Variants in MRO observed in about 807,000 individuals in gnomAD.
MRO encodes the protein protein maestro.
A neutral mutation model predicts 31.0 loss-of-function variants in MRO; 28 were observed. The ratio of observed to expected loss-of-function variants is 0.90; its 90% CI spans 0.67 to 1.24. The LOEUF is 1.24. MRO is among the 50% of genes most tolerant of loss of function. The pLI is 0.00. For synonymous variants in MRO, 108 were observed against 108.4 expected (o/e 1.00, Z 0.02); for missense variants, 332 against 289.2 (o/e 1.15, Z -1.07).
chr18:50,806,901 C>T (rs1759448912), intron 3 of MRO, 51 bp from the exon 4 acceptor site: 2 of 1,560,160 alleles, frequency 1.3e-6, no homozygotes, highest in Non-Finnish European at 1.8e-6. Context: ...AGAGTCATAC[C>T]AATCCCAACC....
intron 3 of MRO, 110 bp from the exon 4 acceptor site, chr18:50,806,960 C>G (rs1914007612): frequency 3.6e-6 from 4 of 1,101,392 alleles, no homozygotes; most frequent in Non-Finnish European, 5.3e-6. Flanking sequence ...CTCAATTTTA[C>G]CCCTTCTTTC....
chr18:50,816,490 T>C (rs1178724627), intron 2 of MRO, among the ~76,000 whole-genome samples: 1 of 152,238 alleles, frequency 6.6e-6, no homozygotes, highest in Non-Finnish European at 1.5e-5. Context: ...CAGAATAGTT[T>C]TGAGGGTGTT....
rs1251756608 is a variant in MRO at position 50,801,338 on chromosome 18, C to T, written c.585+11G>A. On this transcript the variant is annotated intron_variant, in intron 6 of 7. Transcript: ENST00000398439. Reference sequence around the variant, plus strand: ...GATGTCACTCTGTTGGTTGCAGAGTCAAGGTCTTACCTTGGCAACCTGGGG... The same window carrying T: ...GATGTCACTCTGTTGGTTGCAGAGTTAAGGTCTTACCTTGGCAACCTGGGG... 2 of 1,558,532 alleles carry T rather than the reference C, an allele frequency of 1.3e-6. No individual in the cohort carries two copies. Among genetic ancestry groups the T allele is most frequent in the Admixed American group, 1.9e-5 (1 of 52,496 alleles).
chr18:50,823,249 CT>C (rs1915373970), upstream of MRO, among the ~76,000 whole-genome samples: 1 of 71,758 alleles, frequency 1.4e-5, no homozygotes, highest in Non-Finnish European at 3.6e-5. Flanking sequence ...CATTTGCTTC[CT>C]CCCACTTCTC....
rs754910192 is a variant in MRO at position 50,800,120 on chromosome 18, G to A, written c.609C>T (p.Ala203=). ...VAKACKTTFQ[A]CSPYLKLKEE... ...CCTTTAGTTTCAGATATGGAGAACA[G>A]GCTTGAAATGTTGTTTTGCAAGCCT... The change falls in exon 7 of 8, where the codon GCC becomes GCT. Residue 203 remains alanine (A), a synonymous_variant. Coordinates refer to ENST00000398439, the MANE Select transcript of MRO (RefSeq NM_031939.6). 27 of 1,612,142 alleles carry A rather than the reference G, an allele frequency of 1.7e-5. No homozygotes were observed. The highest frequency in any genetic ancestry group is 2.2e-5 in the Non-Finnish European group (26 of 1,178,898).
At chr18:50,802,689 A>G (rs1913464051) in intron 5 of MRO, among the ~76,000 whole-genome samples, 1 of 151,974 alleles carries the variant, frequency 6.6e-6, no homozygotes, top group South Asian at 2.1e-4. Flanking sequence ...TGATGCATAC[A>G]GAAATTGTCT....
At chr18:50,804,690 A>C (rs1414412359) in intron 5 of MRO, among the ~76,000 whole-genome samples, 3 of 152,100 alleles carry the variant, frequency 2.0e-5, no homozygotes, top group African/African-American at 2.4e-5. Flanking sequence ...TGTCCTCCCA[A>C]CCCCTAGCAC....
At chr18:50,822,699 C>A (rs1478615552), upstream of MRO, among the ~76,000 whole-genome samples, 1 of 144,196 alleles carries the variant, frequency 6.9e-6, no homozygotes, top group African/African-American at 2.5e-5. Flanking sequence ...CCCCGCCCCC[C>A]GCCCCCCGCC....
chr18:50,795,609 C>T lies in MRO; in HGVS notation c.*3728G>A, dbSNP rs1322617341. On this transcript the variant is annotated 3_prime_UTR_variant, in exon 8 of 8. Coordinates refer to ENST00000398439, the MANE Select transcript of MRO (RefSeq NM_031939.6). ...TCAGCCTCCTCCTTTGTCATTTTCTCTCCTCTCTCTCCACCACTTCCCTCT... is the reference window on the plus strand; with the variant it reads ...TCAGCCTCCTCCTTTGTCATTTTCTTTCCTCTCTCTCCACCACTTCCCTCT... 1.3e-5 allele frequency: 2 copies of T among 152,262 alleles called. No homozygotes were observed. The highest frequency in any genetic ancestry group is 2.9e-5 in the Non-Finnish European group (2 of 68,106). The allele number at this position is 152,262 out of a possible 1,614,324, so 9.4% of individuals were successfully genotyped here.
intron 5 of MRO, among the ~76,000 whole-genome samples, chr18:50,803,404 G>A (rs1412827089): frequency 6.6e-6 from 1 of 152,068 alleles, no homozygotes; most frequent in Non-Finnish European, 1.5e-5. Context: ...CCACTCAGGA[G>A]GCTGAGGTGG....
chr18:50,806,805 C>T lies in MRO; in HGVS notation c.145G>A (p.Val49Met). 6.2e-7 allele frequency: 1 copy of T among 1,614,158 alleles called. No homozygotes were observed. The highest frequency in any genetic ancestry group is 8.5e-7 in the Non-Finnish European group (1 of 1,180,034). ...GCTCTTTCTGCCAAGATGAAAAACA[C>T]ATTCTTCAGAGGCTCCCGCTTCTGG... Reference protein sequence around the residue: ...RFQKREPLKNVFFILAERARD... With the variant: ...RFQKREPLKNMFFILAERARD... Residue 49 changes from valine (V) to methionine (M), a missense_variant, in exon 4 of 8, where the codon GTG (valine) becomes ATG (methionine). Coordinates refer to ENST00000398439, the MANE Select transcript of MRO (RefSeq NM_031939.6).
chr18:50,823,424 T>TATA (rs775025018), upstream of MRO, among the ~76,000 whole-genome samples: 3 of 152,230 alleles, frequency 2.0e-5, no homozygotes, highest in Non-Finnish European at 2.9e-5. Context: ...CTCCAAACTC[T>TATA]ATAAACAGTA....
intron 2 of MRO, among the ~76,000 whole-genome samples, chr18:50,817,109 T>C (rs1057288942): frequency 1.4e-4 from 22 of 152,132 alleles, no homozygotes; most frequent in African/African-American, 5.1e-4. Flanking sequence ...GAGAACTGAG[T>C]GGCTCCACCT....
At chr18:50,822,213 G>T (rs913297973), upstream of MRO, among the ~76,000 whole-genome samples, 15 of 86,436 alleles carry the variant, frequency 1.7e-4, no homozygotes, top group Non-Finnish European at 3.7e-4. Context: ...AGCAAAGAGG[G>T]TAATTATTTA....
Position 50,808,859 on chromosome 18 carries a change from C to T in MRO, c.99+443G>A, listed in dbSNP as rs930864320. On this transcript the variant is annotated intron_variant, in intron 3 of 7. Transcript: ENST00000398439. ...TATCCATGTTAAAAGAACTGTCGGC[C>T]GGGCGCGGTGGCTCACGCCTGTAAT... Among the ~76,000 whole-genome samples, 8 of 151,288 alleles carry T rather than the reference C, an allele frequency of 5.3e-5. No homozygotes were observed. The East Asian group carries it at 7.9e-4, about 15-fold the overall frequency.
intron 4 of MRO, 93 bp from the exon 5 acceptor site, chr18:50,805,429 A>T: frequency 1.0e-6 from 1 of 954,538 alleles, no homozygotes; most frequent in East Asian, 2.5e-5. Context: ...ATAACCTAGG[A>T]CTTGAACTAA....
intron 3 of MRO, among the ~76,000 whole-genome samples, 147 bp downstream of exon 3, chr18:50,809,142 CTCAAAAAAAAAAA>C (rs1168183461): frequency 3.8e-4 from 25 of 66,446 alleles, no homozygotes; most frequent in Non-Finnish European, 7.1e-4. Flanking sequence ...GAGACTCCGT[CTCAAAAAAAAAAA>C]AAAAAAAAAA....
chr18:50,801,469 C>T lies in MRO; in HGVS notation c.465G>A (p.Leu155=), dbSNP rs201009739. The T allele has an allele frequency of 1.7e-4, 273 of 1,611,278 alleles. 2 individuals carry two copies. The highest frequency in any genetic ancestry group is 3.7e-4 in the Admixed American group (22 of 59,510). ...CGGCAAAGGCAGCCAATTGCCCAAA[C>T]AAAACAAAGGCCGAGTATCTCAGAC... ...NDSLRYSAFV[L]FGQLAAFAGR... is the part of the protein sequence containing the mutation. The change falls in exon 6 of 8, where the codon TTG becomes TTA. Residue 155 remains leucine (L), a synonymous_variant. Transcript: ENST00000398439.
chr18:50,809,460 CATT>C, intron 2 of MRO, 56 bp from the exon 3 acceptor site: 5 of 1,214,938 alleles, frequency 4.1e-6, no homozygotes, highest in Non-Finnish European at 6.1e-6. Context: ...CATCAACAAA[CATT>C]GTTGTACAAT....
Sources: allele counts gnomAD v4.1 joint callset (sites outside exome capture counted in the v4.1 genomes callset), GRCh38; gene constraint gnomAD v4.1.1; transcripts MANE v1.5; gene names NCBI Gene and HGNC (gene_info 2026-07-23, HGNC 2026-07-21).